Variants in TBCE observed in about 807,000 individuals in gnomAD.
TBCE encodes the protein tubulin folding cofactor E.
Under a neutral mutation model 77.0 loss-of-function variants are expected in TBCE, and 53 were observed. That is an observed-to-expected ratio of 0.69 (90% CI 0.55 to 0.87). The LOEUF is 0.87. TBCE is among the 40% of genes least tolerant of loss of function. The pLI is 0.00. For missense variants in TBCE, 624 were observed against 622.4 expected (o/e 1.00, Z -0.03); for synonymous variants, 235 against 241.3 (o/e 0.97, Z 0.24).
At chr1:235,381,149 AAT>A (rs1432108329) in intron 2 of TBCE, among the ~76,000 whole-genome samples, 1 of 152,116 alleles carries the variant, frequency 6.6e-6, no homozygotes, top group African/African-American at 2.4e-5. Context: ...AGCTGATTGC[AAT>A]GTGCCCAGAA....
chr1:235,408,767 C>G (rs535775019), intron 3 of TBCE, among the ~76,000 whole-genome samples: 4 of 152,100 alleles, frequency 2.6e-5, no homozygotes, highest in Non-Finnish European at 5.9e-5. Context: ...GTTATGCAAC[C>G]TTGCTGAACA....
At position 235,386,165 on chromosome 1, in the gene TBCE, A is replaced by G. The variant is rs1207248894; in HGVS notation, c.100+6016A>G. Among the ~76,000 whole-genome samples the G allele has an allele frequency of 1.1e-4, 16 of 152,180 alleles. No homozygotes were observed. In the South Asian group the frequency reaches 2.5e-3, roughly 24 times the overall value. On this transcript the variant is annotated intron_variant, in intron 2 of 16. Coordinates refer to ENST00000642610, the MANE Select transcript of TBCE (RefSeq NM_003193.5). ...TGGCTCCCACTCTCTTCTGGCTTGTAGAGTTTCTGCCAAGAGATCCGCTGT... is the reference window on the plus strand; with the variant it reads ...TGGCTCCCACTCTCTTCTGGCTTGTGGAGTTTCTGCCAAGAGATCCGCTGT...
chr1:235,401,777 T>A (rs570941299), intron 3 of TBCE, among the ~76,000 whole-genome samples, 190 bp downstream of exon 3: 21 of 151,234 alleles, frequency 1.4e-4, no homozygotes, highest in African/African-American at 4.1e-4. Flanking sequence ...TTCCCTTTTT[T>A]AAAAAAATTC....
At chr1:235,410,974 C>T (rs983747097) in intron 3 of TBCE, among the ~76,000 whole-genome samples, 3 of 152,108 alleles carry the variant, frequency 2.0e-5, no homozygotes, top group African/African-American at 7.2e-5. Flanking sequence ...TGCATTCCTA[C>T]ACAAAGAGTA....
intron 3 of TBCE, among the ~76,000 whole-genome samples, chr1:235,406,829 C>CTTTTT (rs141351182): frequency 6.6e-5 from 5 of 76,166 alleles, no homozygotes; most frequent in Non-Finnish European, 9.6e-5. Flanking sequence ...TGCTCCTGGG[C>CTTTTT]TTTTTTTTTT....
intron 2 of TBCE, among the ~76,000 whole-genome samples, chr1:235,382,577 AT>A (rs1189289982): frequency 6.6e-6 from 1 of 151,750 alleles, no homozygotes; most frequent in African/African-American, 2.4e-5. Flanking sequence ...GATGGTGAGC[AT>A]TTTTTCATGT....
chr1:235,419,075 C>T, intron 4 of TBCE: 1 of 295,078 alleles, frequency 3.4e-6, no homozygotes, highest in East Asian at 8.6e-5. Context: ...GGTGTGGTAG[C>T]AAGCGCCTGT....
At chr1:235,387,732 C>T (rs1226119615) in intron 2 of TBCE, among the ~76,000 whole-genome samples, 1 of 152,132 alleles carries the variant, frequency 6.6e-6, no homozygotes, top group East Asian at 1.9e-4. Context: ...AAAGGGAACT[C>T]CCTGACCCCT....
At chr1:235,441,936 A>C in intron 14 of TBCE, 54 bp downstream of exon 14, 4 of 1,496,220 alleles carry the variant, frequency 2.7e-6, no homozygotes, top group Non-Finnish European at 2.8e-6. Context: ...TAGGTGCTGA[A>C]ACAGTTAGTG....
rs1237223774 is a variant in TBCE, at chr1:235,449,383, A to G, written c.*621A>G. The G allele has an allele frequency of 6.5e-6, 1 of 153,382 alleles. No homozygotes were observed. The highest frequency in any genetic ancestry group is 1.5e-5 in the Non-Finnish European group (1 of 68,864). 9.5% of individuals were successfully genotyped at this position (153,382 alleles called of 1,614,324 possible). A position where few individuals can be genotyped will look rare whatever the true frequency, so the allele number is the denominator to read the frequency against. ...TAGGTAAACATTAGGCAATGATAGGAGGAAAGCAAAACTAATTCTTTCAAA... is the reference window on the plus strand; with the variant it reads ...TAGGTAAACATTAGGCAATGATAGGGGGAAAGCAAAACTAATTCTTTCAAA... On this transcript the variant is annotated 3_prime_UTR_variant, in exon 17 of 17. Transcript: ENST00000642610.
chr1:235,425,744 G>A (rs1029331142), intron 5 of TBCE, among the ~76,000 whole-genome samples: 17 of 152,028 alleles, frequency 1.1e-4, no homozygotes, highest in South Asian at 6.2e-4. Context: ...TGGCGGTCCC[G>A]GTCATAGGCT....
At chr1:235,447,586 T>G (rs1368157037) in intron 15 of TBCE, among the ~76,000 whole-genome samples, 2 of 152,148 alleles carry the variant, frequency 1.3e-5, no homozygotes, top group Non-Finnish European at 2.9e-5. Flanking sequence ...GGCACCCTAA[T>G]TTTACAGAGG....
chr1:235,401,910 G>C (rs925763383), intron 3 of TBCE, among the ~76,000 whole-genome samples: 2 of 139,494 alleles, frequency 1.4e-5, no homozygotes, highest in African/African-American at 5.5e-5. Context: ...TTACAATCCA[G>C]TAAGTAAATA....
chr1:235,444,190 A>C (rs1334786687), intron 15 of TBCE, among the ~76,000 whole-genome samples: 2 of 152,184 alleles, frequency 1.3e-5, no homozygotes, highest in Admixed American at 1.3e-4. Context: ...TACCTTTCTG[A>C]TTGATAACCA....
At chr1:235,422,374 A>G (rs764910442) in intron 5 of TBCE, among the ~76,000 whole-genome samples, 2 of 151,408 alleles carry the variant, frequency 1.3e-5, no homozygotes, top group Non-Finnish European at 1.5e-5. Context: ...TTAACTGGGT[A>G]TGGTTACGGA....
chr1:235,434,901 T>C (rs1046461772), intron 8 of TBCE, among the ~76,000 whole-genome samples: 1 of 152,154 alleles, frequency 6.6e-6, no homozygotes, highest in East Asian at 1.9e-4. Flanking sequence ...TTAAGGTCAT[T>C]GTACCAAAGT....
intron 2 of TBCE, among the ~76,000 whole-genome samples, chr1:235,386,990 T>C (rs913692915): frequency 5.9e-5 from 9 of 152,206 alleles, no homozygotes; most frequent in African/African-American, 2.2e-4. Context: ...GTGGATGTCC[T>C]TCCTGTTTGT....
chr1:235,449,503 AACTATGAGT>A lies in TBCE; in HGVS notation c.*746_*754del, dbSNP rs1179636411. 4 of 152,750 alleles carry A rather than the reference AACTATGAGT, an allele frequency of 2.6e-5. No homozygotes were observed. Among genetic ancestry groups the A allele is most frequent in the African/African-American group, 9.6e-5 (4 of 41,462 alleles). 9.5% of individuals were successfully genotyped at this position (152,750 alleles called of 1,614,324 possible). A position where few individuals can be genotyped will look rare whatever the true frequency, so the allele number is the denominator to read the frequency against. On this transcript the variant is annotated 3_prime_UTR_variant, in exon 17 of 17. Coordinates refer to ENST00000642610, the MANE Select transcript of TBCE (RefSeq NM_003193.5). ...TACTCACACAACTTTAGCATTTAAA[AACTATGAGT>A]ACTAAACTGTGACCTTCAGGATTTA...
intron 15 of TBCE, among the ~76,000 whole-genome samples, chr1:235,447,923 A>AAGAT (rs1433630649): frequency 1.3e-5 from 2 of 151,878 alleles, no homozygotes; most frequent in African/African-American, 2.4e-5. Context: ...GGTAAAATGA[A>AAGAT]AGATACAGCC....
Sources: allele counts gnomAD v4.1 joint callset (sites outside exome capture counted in the v4.1 genomes callset), GRCh38; gene constraint gnomAD v4.1.1; transcripts MANE v1.5; gene names NCBI Gene and HGNC (gene_info 2026-07-23, HGNC 2026-07-21).